CNTNAP4: variants seen among roughly 807,000 people sequenced by gnomAD.
CNTNAP4 encodes the protein contactin associated protein family member 4.
A neutral mutation model predicts 148.4 loss-of-function variants in CNTNAP4; 98 were observed. The ratio of observed to expected loss-of-function variants is 0.66; its 90% confidence interval spans 0.56 to 0.78. The LOEUF is 0.78. Among genes scored for constraint, CNTNAP4 ranks in the 30% least tolerant of loss-of-function variants. The pLI is 0.00. For synonymous variants in CNTNAP4, 730 were observed against 565.1 expected (o/e 1.29, Z -4.14); for missense variants, 1,935 against 1,565.6 (o/e 1.24, Z -3.98).
intron 21 of CNTNAP4, among the ~76,000 whole-genome samples, chr16:76,548,423 T>G (rs938953714): frequency 6.6e-6 from 1 of 151,898 alleles, no homozygotes; most frequent in Admixed American, 6.6e-5. Context: ...AGTTTTTATT[T>G]TTTTGCTTAC....
chr16:76,296,233 T>C (rs1197218203), intron 1 of CNTNAP4, among the ~76,000 whole-genome samples: 3 of 152,196 alleles, frequency 2.0e-5, no homozygotes, highest in Non-Finnish European at 4.4e-5. Context: ...AATAAGAATT[T>C]ATCCTGAATT....
chr16:76,405,664 A>T (rs74958391), intron 3 of CNTNAP4, among the ~76,000 whole-genome samples: 6,882 of 152,126 alleles, frequency 0.045, 461 homozygotes, highest in African/African-American at 0.15. Context: ...TAGTCTGAGG[A>T]GGAGGAGGGA....
chr16:76,552,703 C>G lies in CNTNAP4; in HGVS notation c.3443-580C>G, dbSNP rs546727093. Among the ~76,000 whole-genome samples, 3 of 152,178 alleles carry G rather than the reference C, an allele frequency of 2.0e-5. No homozygotes were observed. The East Asian group carries it at 5.8e-4, about 29-fold the overall frequency. Reference sequence around the variant, plus strand: ...GTACATGAGTAATTAGGGAAAGACCCTAATAACTTCGAGGTATGGCCTCCA... The same window carrying G: ...GTACATGAGTAATTAGGGAAAGACCGTAATAACTTCGAGGTATGGCCTCCA... On this transcript the variant is annotated intron_variant, in intron 21 of 23. Transcript: ENST00000611870.
intron 3 of CNTNAP4, among the ~76,000 whole-genome samples, chr16:76,389,041 CA>C (rs2016739337): frequency 6.6e-6 from 1 of 152,044 alleles, no homozygotes; most frequent in Non-Finnish European, 1.5e-5. Flanking sequence ...AACCTTATGT[CA>C]TTATAATATA....
rs1349394063 is a variant in CNTNAP4, at chr16:76,293,487, T to C, written c.85+15740T>C. Reference sequence around the variant, plus strand: ...GAGCTGTTTTCTAGTTTTCTTCCTATCTACCTGTCTATTTACTTGTGTATG... The same window carrying C: ...GAGCTGTTTTCTAGTTTTCTTCCTACCTACCTGTCTATTTACTTGTGTATG... On this transcript the variant is annotated intron_variant, in intron 1 of 23. Transcript: ENST00000611870. 2.0e-5 allele frequency among the ~76,000 whole-genome samples: 3 copies of C among 152,204 alleles called. No homozygotes were observed. The East Asian group carries it at 5.8e-4, about 29-fold the overall frequency.
At chr16:76,355,275 C>T (rs894828309) in intron 2 of CNTNAP4, 43 bp from the exon 3 acceptor site, 1 of 1,421,686 alleles carries the variant, frequency 7.0e-7, no homozygotes, top group Non-Finnish European at 9.4e-7. Context: ...TTTTAACTAA[C>T]TTTCCTTTCT....
intron 2 of CNTNAP4, among the ~76,000 whole-genome samples, chr16:76,326,940 AAAGT>A (rs965577595): frequency 5.3e-5 from 8 of 152,100 alleles, no homozygotes; most frequent in East Asian, 3.9e-4. Flanking sequence ...CCTAAAACTT[AAAGT>A]AAGAATAAAA....
intron 8 of CNTNAP4, 139 bp from the exon 9 acceptor site, chr16:76,461,817 C>T (rs1489334277): frequency 3.1e-6 from 2 of 644,620 alleles, no homozygotes; most frequent in Admixed American, 3.1e-5. Flanking sequence ...TCTCCCTTTC[C>T]TTGTTGATGT....
At chr16:76,437,871 A>G (rs1046059071) in intron 4 of CNTNAP4, among the ~76,000 whole-genome samples, 1 of 152,166 alleles carries the variant, frequency 6.6e-6, no homozygotes, top group Non-Finnish European at 1.5e-5. Context: ...AAGGGAGAAG[A>G]TCAGTTTTTC....
intron 3 of CNTNAP4, among the ~76,000 whole-genome samples, chr16:76,378,791 G>A (rs1008842015): frequency 6.6e-6 from 1 of 152,198 alleles, no homozygotes; most frequent in Non-Finnish European, 1.5e-5. Flanking sequence ...CTCCATGTCA[G>A]TGAGGGAGAA....
intron 3 of CNTNAP4, 90 bp downstream of exon 3, chr16:76,355,601 A>C (rs17699131): frequency 4.4e-6 from 4 of 912,682 alleles, no homozygotes; most frequent in Non-Finnish European, 6.2e-6. Context: ...TTAAGTAGAC[A>C]TACAGAATCT....
chr16:76,503,557 C>G (rs1462083832), intron 15 of CNTNAP4, among the ~76,000 whole-genome samples: 1 of 152,056 alleles, frequency 6.6e-6, no homozygotes, highest in Non-Finnish European at 1.5e-5. Context: ...ACTTTAAGTT[C>G]TAGGGTACAT....
chr16:76,326,403 C>A (rs1013592802), intron 2 of CNTNAP4, among the ~76,000 whole-genome samples: 11 of 152,146 alleles, frequency 7.2e-5, no homozygotes, highest in African/African-American at 2.7e-4. Context: ...GTGTCCTGAG[C>A]ATCTTGCCCA....
intron 15 of CNTNAP4, among the ~76,000 whole-genome samples, chr16:76,506,998 A>C (rs2082859722): frequency 1.0e-5 from 1 of 97,364 alleles, no homozygotes; most frequent in Non-Finnish European, 2.9e-5. Flanking sequence ...TAAAAAATGG[A>C]CTGGAGATAG....
In CNTNAP4 at chr16:76,473,618, CA is replaced by C. The variant is rs34712426; in HGVS notation, c.1656-2315del. On this transcript the variant is annotated intron_variant, in intron 10 of 23. Transcript: ENST00000611870. The stretch of plus-strand genomic sequence containing the variant: ...GAAGCCCCGTCTCTACTAAAAAATA[CA>C]AAAAATTAGCCAAGCGTGGTGGCAG... Among the ~76,000 whole-genome samples the C allele has an allele frequency of 7.9e-5, 12 of 152,016 alleles. No individual in the cohort carries two copies. In the East Asian group the frequency reaches 2.3e-3, roughly 30 times the overall value.
At chr16:76,376,502 C>A (rs1280006195) in intron 3 of CNTNAP4, among the ~76,000 whole-genome samples, 1 of 108,408 alleles carries the variant, frequency 9.2e-6, no homozygotes, top group Admixed American at 1.3e-4. Flanking sequence ...ATATAAAGGA[C>A]CTTTCATATG....
intron 1 of CNTNAP4, among the ~76,000 whole-genome samples, chr16:76,279,439 CAT>C (rs1958603720): frequency 6.6e-6 from 1 of 152,110 alleles, no homozygotes; most frequent in Non-Finnish European, 1.5e-5. Context: ...TTTCTTTTGC[CAT>C]ATATCTTCTT....
At chr16:76,385,845 A>G (rs1490283916) in intron 3 of CNTNAP4, among the ~76,000 whole-genome samples, 2 of 152,106 alleles carry the variant, frequency 1.3e-5, no homozygotes, top group Non-Finnish European at 2.9e-5. Flanking sequence ...CTTCCCTAAC[A>G]CATATTTTCT....
At chr16:76,491,060 C>T (rs1179231482) in intron 13 of CNTNAP4, among the ~76,000 whole-genome samples, 2 of 152,108 alleles carry the variant, frequency 1.3e-5, no homozygotes, top group African/African-American at 4.8e-5. Context: ...CCGATTAAGT[C>T]TCTCTCTATT....
Sources: gnomAD v4.1 joint callset for allele counts (sites outside exome capture counted in the v4.1 genomes callset) on GRCh38, gnomAD v4.1.1 for gene constraint, MANE v1.5 for transcripts, NCBI Gene and HGNC (gene_info 2026-07-23, HGNC 2026-07-21) for gene names.